The following CWF19L2 variants were observed in gnomAD, a reference collection of about 807,000 sequenced individuals.
The protein encoded by CWF19L2 is CWF19-like protein 2.
CWF19L2 carries 98 observed loss-of-function variants against 111.7 expected under a neutral mutation model. That is an observed-to-expected ratio of 0.88 (90% CI 0.75 to 1.04). CWF19L2 has a LOEUF of 1.04. Among genes scored for constraint, CWF19L2 ranks in the 50% least tolerant of loss-of-function variants. CWF19L2 has a pLI of 0.00. For synonymous variants in CWF19L2, 351 were observed against 342.9 expected (o/e 1.02, Z -0.26); for missense variants, 1,101 against 1,051.4 (o/e 1.05, Z -0.65).
chr11:107,429,298 T>A lies in CWF19L2; in HGVS notation c.934A>T (p.Asn312Tyr), dbSNP rs750556542. 25 of 1,612,690 alleles carry A rather than the reference T, an allele frequency of 1.6e-5. No homozygotes were observed. Among genetic ancestry groups the A allele is most frequent in the Non-Finnish European group, 2.1e-5 (25 of 1,179,286 alleles). Residue 312 changes from asparagine to tyrosine, a missense_variant, in exon 8 of 18, where the codon AAC (asparagine) becomes TAC (tyrosine). Asn to Tyr is a moderately radical substitution (Grantham distance 143). Transcript: ENST00000282251. ...SRESDLVKYG[N>Y]SSRDRYATTD... ...GTAGCATATCTATCCCTTGAACTGT[T>A]ACCATATTTTACTAAGTCTGATTCT...
intron 16 of CWF19L2, among the ~76,000 whole-genome samples, chr11:107,331,918 G>A (rs1859855050): frequency 6.6e-6 from 1 of 152,216 alleles, no homozygotes; most frequent in South Asian, 2.1e-4. Flanking sequence ...GTATCAAAGT[G>A]TATGTACATT....
intron 8 of CWF19L2, among the ~76,000 whole-genome samples, chr11:107,426,834 C>T (rs933167665): frequency 2.0e-5 from 3 of 151,486 alleles, no homozygotes; most frequent in African/African-American, 7.3e-5. Flanking sequence ...TTCAAATACA[C>T]TAAAAAATTT....
rs769431898 is a variant in CWF19L2 at position 107,433,722 on chromosome 11, C to T, written c.692G>A (p.Ser231Asn). The change falls in exon 7 of 18, where the codon AGC becomes AAC. Residue 231 changes from serine (S) to asparagine (N), a missense_variant. By Grantham distance (46) the Ser-to-Asn change is conservative (BLOSUM62 1). Coordinates refer to ENST00000282251, the MANE Select transcript of CWF19L2 (RefSeq NM_152434.3). ...TCTTAGATAAGATTTCCTTAGCCAG[C>T]TTAATCCACCATCTTCTACCACTGA... Reference protein sequence around the residue: ...KVSVVEDGGLSWLRKSYLRMK... With the variant: ...KVSVVEDGGLNWLRKSYLRMK... 3.2e-6 allele frequency: 5 copies of T among 1,583,488 alleles called. No individual in the cohort carries two copies. In the African/African-American group the frequency reaches 5.4e-5, roughly 17 times the overall value.
chr11:107,425,179 AAC>A (rs138792527), intron 8 of CWF19L2, among the ~76,000 whole-genome samples: 8,426 of 144,628 alleles, frequency 0.058, 251 homozygotes, highest in African/African-American at 0.075. Flanking sequence ...CTCTCTTTGA[AAC>A]ACACACACAC....
chr11:107,422,873 G>A (rs1861321330), intron 8 of CWF19L2, among the ~76,000 whole-genome samples: 1 of 151,848 alleles, frequency 6.6e-6, no homozygotes, highest in South Asian at 2.1e-4. Flanking sequence ...AATCTCTACA[G>A]AAAATGTATA....
At chr11:107,353,416 C>G in intron 13 of CWF19L2, 108 bp downstream of exon 13, 1 of 825,932 alleles carries the variant, frequency 1.2e-6, no homozygotes, top group Middle Eastern at 3.2e-4. Flanking sequence ...GGGAAAGACC[C>G]AATAAACAAG....
chr11:107,378,078 C>T (rs2134579844), intron 12 of CWF19L2, among the ~76,000 whole-genome samples: 1 of 151,376 alleles, frequency 6.6e-6, no homozygotes, highest in South Asian at 2.1e-4. Context: ...TACCATCTCA[C>T]AGCAGTTAGA....
rs1414454716 is a variant in CWF19L2, at chr11:107,442,813, AGGGAGGGG to A, written c.450+118_450+125del. ...AAGGAAGGGAGGGAGGGAGGGAGGG[AGGGAGGGG>A]GAGGGAGGGAGAGAGGGACAGAGAG... is the stretch of plus-strand genomic sequence containing the variant. On this transcript the variant is annotated intron_variant, in intron 4 of 17. Coordinates refer to ENST00000282251, the MANE Select transcript of CWF19L2 (RefSeq NM_152434.3). The A allele has an allele frequency of 6.2e-4, 234 of 374,548 alleles. 7 individuals carry two copies. The Admixed American group carries it at 6.3e-3, about 10-fold the overall frequency. 23.2% of individuals were successfully genotyped at this position (374,548 alleles called of 1,614,324 possible). A position where few individuals can be genotyped will look rare whatever the true frequency, so the allele number is the denominator to read the frequency against.
At chr11:107,455,185 A>T (rs1028938949) in intron 2 of CWF19L2, among the ~76,000 whole-genome samples, 4 of 152,174 alleles carry the variant, frequency 2.6e-5, no homozygotes, top group African/African-American at 7.2e-5. Flanking sequence ...ACCACAAAAA[A>T]ATAAGTTGAT....
At chr11:107,434,976 T>G (rs1445183268) in intron 6 of CWF19L2, among the ~76,000 whole-genome samples, 3 of 152,122 alleles carry the variant, frequency 2.0e-5, no homozygotes, top group Non-Finnish European at 4.4e-5. Flanking sequence ...ATAATATATA[T>G]GTAAGCTATT....
At chr11:107,394,376 T>A (rs990025470) in intron 10 of CWF19L2, among the ~76,000 whole-genome samples, 1 of 152,302 alleles carries the variant, frequency 6.6e-6, no homozygotes, top group Admixed American at 6.5e-5. Flanking sequence ...CATTATAAGC[T>A]GGCATCTAAC....
At chr11:107,404,520 T>C (rs1861050797) in intron 10 of CWF19L2, 1 of 715,614 alleles carries the variant, frequency 1.4e-6, no homozygotes, top group East Asian at 2.6e-5. Flanking sequence ...CCCACAAACC[T>C]TGGAGTGCTG....
rs1196664870 is a variant in CWF19L2, at chr11:107,367,565, A to G, written c.1873-13829T>C. Among the ~76,000 whole-genome samples, 2 of 129,712 alleles carry G rather than the reference A, an allele frequency of 1.5e-5. 1 individual carries two copies. The highest frequency in any genetic ancestry group is 3.2e-5 in the Non-Finnish European group (2 of 61,858). The allele number at this position is 129,712 out of a possible 152,430, so 85.1% of individuals were successfully genotyped here. On this transcript the variant is annotated intron_variant, in intron 12 of 17. Transcript: ENST00000282251. ...AATCGGAAATCATCATTCTCAGTAA[A>G]CTATTGCAAGAACAAAAAACCAAAC... is the stretch of plus-strand genomic sequence containing the variant.
intron 10 of CWF19L2, chr11:107,403,827 G>T: frequency 1.2e-6 from 1 of 827,552 alleles, no homozygotes; most frequent in Non-Finnish European, 2.1e-6. Flanking sequence ...AACCTTTTAA[G>T]TTCATTGTTA....
chr11:107,416,800 A>C (rs1202311130), intron 9 of CWF19L2, among the ~76,000 whole-genome samples: 1 of 152,250 alleles, frequency 6.6e-6, no homozygotes, highest in African/African-American at 2.4e-5. Flanking sequence ...TTAAATAAGT[A>C]GATTTATGTG....
At chr11:107,353,358 T>C (rs1860185281) in intron 13 of CWF19L2, among the ~76,000 whole-genome samples, 166 bp downstream of exon 13, 1 of 152,230 alleles carries the variant, frequency 6.6e-6, no homozygotes, top group Non-Finnish European at 1.5e-5. Context: ...TTGTATACAA[T>C]GGAGAACAAA....
intron 3 of CWF19L2, among the ~76,000 whole-genome samples, chr11:107,445,528 C>T (rs1313594927): frequency 6.6e-6 from 1 of 151,614 alleles, no homozygotes; most frequent in African/African-American, 2.4e-5. Flanking sequence ...ATCTTGAACC[C>T]GGGAGGCGGG....
At chr11:107,401,292 G>A (rs565852449) in intron 10 of CWF19L2, among the ~76,000 whole-genome samples, 3 of 152,140 alleles carry the variant, frequency 2.0e-5, no homozygotes, top group Admixed American at 6.5e-5. Flanking sequence ...GTTTGCTGAC[G>A]ATATGATTGT....
intron 12 of CWF19L2, among the ~76,000 whole-genome samples, chr11:107,357,858 T>C (rs904281131): frequency 6.6e-6 from 1 of 152,216 alleles, no homozygotes; most frequent in Non-Finnish European, 1.5e-5. Flanking sequence ...TGGTAAAAGA[T>C]AGTGGAGAAT....
Sources: allele counts gnomAD v4.1 joint callset (sites outside exome capture counted in the v4.1 genomes callset), GRCh38; gene constraint gnomAD v4.1.1; transcripts MANE v1.5; gene names NCBI Gene and HGNC (gene_info 2026-07-23, HGNC 2026-07-21).